CTNNA3: variants seen among roughly 807,000 people sequenced by gnomAD.
CTNNA3 encodes catenin alpha 3, also known as catenin alpha-3.
In CTNNA3, 76 loss-of-function variants were observed where a neutral mutation model predicts 95.7. The observed-to-expected ratio is 0.79, with a 90% CI of 0.66 to 0.96. The LOEUF (loss-of-function observed/expected upper bound fraction) is 0.96, where lower values mean the gene tolerates loss of function less well. CTNNA3 is among the 40% of genes least tolerant of loss of function. The pLI, the probability that CTNNA3 is intolerant of heterozygous loss-of-function variation, is 0.00. For missense variants in CTNNA3, 1,191 were observed against 1,089.8 expected, an observed-to-expected ratio of 1.09 and a Z score of -1.31; for synonymous variants, 431 against 374.4, an observed-to-expected ratio of 1.15 and a Z score of -1.74.
At chr10:66,557,526 CA>C (rs1388492447) in intron 10 of CTNNA3, among the ~76,000 whole-genome samples, 1 of 152,048 alleles carries the variant, frequency 6.6e-6, no homozygotes, top group Non-Finnish European at 1.5e-5. Flanking sequence ...AAAATGATGA[CA>C]AAGACAGAAT....
chr10:67,204,713 G>C (rs1176659101), intron 6 of CTNNA3, among the ~76,000 whole-genome samples: 2 of 152,150 alleles, frequency 1.3e-5, no homozygotes, highest in African/African-American at 4.8e-5. Flanking sequence ...AATTCACTAA[G>C]ACCACAGCAT....
intron 7 of CTNNA3, among the ~76,000 whole-genome samples, chr10:67,103,088 T>C (rs1858433080): frequency 6.6e-6 from 1 of 151,882 alleles, no homozygotes; most frequent in South Asian, 2.1e-4. Context: ...TCAGAACCAC[T>C]GGGATGGATC....
chr10:66,650,360 T>C (rs1434885758), intron 9 of CTNNA3, among the ~76,000 whole-genome samples: 1 of 152,160 alleles, frequency 6.6e-6, no homozygotes, highest in Non-Finnish European at 1.5e-5. Flanking sequence ...ATCAGTTAAC[T>C]GGAAAAATTT....
chr10:66,845,754 T>TACACACACACACACACACACAC (rs140313786), intron 7 of CTNNA3, among the ~76,000 whole-genome samples: 33 of 108,668 alleles, frequency 3.0e-4, no homozygotes, highest in Middle Eastern at 4.7e-3. Flanking sequence ...TATATATACA[T>TACACACACACACACACACACAC]ACACACACAC....
In CTNNA3 at chr10:66,419,009, C is replaced by G. The variant is rs539653988; in HGVS notation, c.1532-39657G>C. Among the ~76,000 whole-genome samples the G allele has an allele frequency of 1.6e-4, 25 of 152,110 alleles. No individual in the cohort carries two copies. In the East Asian group the frequency reaches 4.7e-3, roughly 28 times the overall value. On this transcript the variant is annotated intron_variant, in intron 11 of 17. Transcript: ENST00000433211. Reference sequence around the variant, plus strand: ...TCCACCATTCCTAATCAACAAAGCACTGAAAGTCCTAGCCAGAGTAATCAG... The same window carrying G: ...TCCACCATTCCTAATCAACAAAGCAGTGAAAGTCCTAGCCAGAGTAATCAG...
chr10:66,594,521 C>G (rs2132237693), intron 10 of CTNNA3, among the ~76,000 whole-genome samples: 1 of 152,270 alleles, frequency 6.6e-6, no homozygotes, highest in South Asian at 2.1e-4. Flanking sequence ...AAGTCTGCAT[C>G]TCTTCATTCA....
At chr10:66,147,922 T>C (rs1193023209) in intron 13 of CTNNA3, among the ~76,000 whole-genome samples, 1 of 151,512 alleles carries the variant, frequency 6.6e-6, no homozygotes, top group Non-Finnish European at 1.5e-5. Context: ...TAGAGACTGC[T>C]AGTTTATTAA....
chr10:67,212,358 T>G (rs1318392825), intron 6 of CTNNA3, among the ~76,000 whole-genome samples: 1 of 151,984 alleles, frequency 6.6e-6, no homozygotes, highest in Non-Finnish European at 1.5e-5. Context: ...GACATGTCTG[T>G]AACACTAGAA....
At position 66,125,652 on chromosome 10, in the gene CTNNA3, G is replaced by T. The variant is rs72795309; in HGVS notation, c.1885-22403C>A. Among the ~76,000 whole-genome samples, 690 of 152,256 alleles carry T rather than the reference G, an allele frequency of 4.5e-3. 3 individuals carry two copies. Among genetic ancestry groups the T allele is most frequent in the Non-Finnish European group, 7.6e-3 (519 of 68,008 alleles). ...GACAGAGATGTTCATGCTTAGAATG[G>T]AGTATTCTTCATAAATATAAAGAAA... On this transcript the variant is annotated intron_variant, in intron 13 of 17. Transcript: ENST00000433211.
At chr10:66,300,552 T>C (rs1033589902) in intron 12 of CTNNA3, among the ~76,000 whole-genome samples, 2 of 151,686 alleles carry the variant, frequency 1.3e-5, no homozygotes, top group Non-Finnish European at 2.9e-5. Context: ...GTCATGTTGA[T>C]ATGGATTCCT....
chr10:66,670,492 A>C (rs1846621705), intron 9 of CTNNA3, among the ~76,000 whole-genome samples: 1 of 152,044 alleles, frequency 6.6e-6, no homozygotes, highest in Non-Finnish European at 1.5e-5. Context: ...CCCTTCCTCC[A>C]TCTTAAAGGC....
intron 7 of CTNNA3, among the ~76,000 whole-genome samples, chr10:67,143,088 T>A (rs1432558009): frequency 2.0e-5 from 3 of 151,938 alleles, no homozygotes; most frequent in African/African-American, 7.3e-5. Flanking sequence ...GTGGCAATTT[T>A]TGAAAATGAA....
chr10:67,272,823 G>T (rs1000094966), intron 5 of CTNNA3, among the ~76,000 whole-genome samples: 1 of 152,002 alleles, frequency 6.6e-6, no homozygotes. Context: ...CTCCATGTAG[G>T]TGCATGACTA....
intron 5 of CTNNA3, among the ~76,000 whole-genome samples, chr10:67,438,768 G>A (rs1846392806): frequency 6.6e-6 from 1 of 152,198 alleles, no homozygotes; most frequent in Non-Finnish European, 1.5e-5. Flanking sequence ...TGGGGCACTT[G>A]CTGCCTTGAA....
At chr10:67,193,629 A>G (rs117234513) in intron 6 of CTNNA3, among the ~76,000 whole-genome samples, 1 of 152,028 alleles carries the variant, frequency 6.6e-6, no homozygotes, top group African/African-American at 2.4e-5. Flanking sequence ...GCTTAGAATA[A>G]TGGCCTCCAG....
chr10:67,166,580 C>A (rs1402048901), intron 7 of CTNNA3, among the ~76,000 whole-genome samples: 4 of 152,138 alleles, frequency 2.6e-5, no homozygotes, highest in Admixed American at 2.6e-4. Context: ...CTACTAACAT[C>A]AGTTTTGGAT....
chr10:67,657,308 G>A (rs1840052376), intron 1 of CTNNA3, among the ~76,000 whole-genome samples: 1 of 152,096 alleles, frequency 6.6e-6, no homozygotes, highest in South Asian at 2.1e-4. Context: ...TGTAAAGTAG[G>A]CAGTTAGATA....
intron 7 of CTNNA3, among the ~76,000 whole-genome samples, chr10:66,919,335 G>A (rs563228392): frequency 1.3e-5 from 2 of 151,980 alleles, no homozygotes; most frequent in East Asian, 3.9e-4. Context: ...CTACTGAAAG[G>A]AAGAAAAAAA....
At chr10:66,655,979 A>T (rs1431536215) in intron 9 of CTNNA3, among the ~76,000 whole-genome samples, 1 of 152,058 alleles carries the variant, frequency 6.6e-6, no homozygotes, top group East Asian at 1.9e-4. Flanking sequence ...ATAACAGAAG[A>T]AGTAGTAGTA....
Sources: allele counts gnomAD v4.1 joint callset (sites outside exome capture counted in the v4.1 genomes callset), GRCh38; gene constraint gnomAD v4.1.1; transcripts MANE v1.5; gene names NCBI Gene and HGNC (gene_info 2026-07-23, HGNC 2026-07-21).